Variants in SORCS1 observed in about 807,000 individuals in gnomAD.
SORCS1 encodes sortilin related VPS10 domain containing receptor 1, also known as VPS10 domain-containing receptor SorCS1.
A neutral mutation model predicts 146.1 loss-of-function variants in SORCS1; 60 were observed. The observed-to-expected ratio is 0.41, with a 90% CI of 0.33 to 0.51. The LOEUF is 0.51. Ranked by LOEUF, SORCS1 falls within the 20% of genes least tolerant of loss-of-function variation. The pLI, the probability that SORCS1 is intolerant of heterozygous loss-of-function variation, is 0.21. For missense variants in SORCS1, 1,352 were observed against 1,487.6 expected, an observed-to-expected ratio of 0.91 and a Z score of 1.50; for synonymous variants, 637 against 584.0, an observed-to-expected ratio of 1.09 and a Z score of -1.31.
chr10:106,633,236 C>A (rs1848538327), intron 18 of SORCS1, among the ~76,000 whole-genome samples: 1 of 152,178 alleles, frequency 6.6e-6, no homozygotes, highest in South Asian at 2.1e-4. Context: ...TATTTCAATA[C>A]ATATATATAA....
intron 1 of SORCS1, among the ~76,000 whole-genome samples, chr10:107,052,215 G>A (rs1371544896): frequency 2.0e-5 from 3 of 152,060 alleles, no homozygotes; most frequent in Non-Finnish European, 2.9e-5. Flanking sequence ...GGCTACTTAC[G>A]AGAGACTCAT....
intron 1 of SORCS1, among the ~76,000 whole-genome samples, chr10:107,113,414 C>A (rs538490516): frequency 2.0e-5 from 3 of 152,028 alleles, no homozygotes; most frequent in African/African-American, 7.2e-5. Context: ...AAAGGCCAGG[C>A]GCGGTGCCTT....
chr10:106,775,553 T>C (rs934732243), intron 4 of SORCS1, among the ~76,000 whole-genome samples: 1 of 152,184 alleles, frequency 6.6e-6, no homozygotes, highest in African/African-American at 2.4e-5. Flanking sequence ...AAATGCCACA[T>C]ATCTATGCAA....
intron 18 of SORCS1, among the ~76,000 whole-genome samples, chr10:106,641,264 T>C (rs185428159): frequency 7.2e-5 from 11 of 152,284 alleles, no homozygotes; most frequent in African/African-American, 2.4e-4. Flanking sequence ...TCATCTAGGT[T>C]TTGAGGGTGA....
chr10:107,145,110 T>C (rs1219301479), intron 1 of SORCS1, among the ~76,000 whole-genome samples: 2 of 152,158 alleles, frequency 1.3e-5, no homozygotes, highest in African/African-American at 4.8e-5. Context: ...CTTATGTCCA[T>C]CAGCAAACAA....
chr10:106,792,429 C>T lies in SORCS1; in HGVS notation c.727-15737G>A, dbSNP rs141661157. Reference sequence around the variant, plus strand: ...TTCAAAAGATTTTATACTCACATGACGTTTTTCATTTAAGCATTACACAGC... The same window carrying T: ...TTCAAAAGATTTTATACTCACATGATGTTTTTCATTTAAGCATTACACAGC... On this transcript the variant is annotated intron_variant, in intron 3 of 25. Coordinates refer to ENST00000263054, the MANE Select transcript of SORCS1 (RefSeq NM_052918.5). 2.4e-4 allele frequency among the ~76,000 whole-genome samples: 36 copies of T among 152,278 alleles called. No individual in the cohort carries two copies. The East Asian group carries it at 4.0e-3, about 17-fold the overall frequency.
At chr10:107,031,600 T>C (rs1299662321) in intron 1 of SORCS1, among the ~76,000 whole-genome samples, 1 of 147,432 alleles carries the variant, frequency 6.8e-6, no homozygotes, top group Non-Finnish European at 1.5e-5. Flanking sequence ...TTTGTATCTC[T>C]CTTTTTTTTT....
chr10:106,681,607 G>A (rs1852438429), intron 10 of SORCS1, among the ~76,000 whole-genome samples: 1 of 152,122 alleles, frequency 6.6e-6, no homozygotes, highest in Non-Finnish European at 1.5e-5. Flanking sequence ...ATAATGTTGT[G>A]AGCATCTGTA....
chr10:106,922,100 G>A (rs951154464), intron 2 of SORCS1, among the ~76,000 whole-genome samples: 1 of 152,180 alleles, frequency 6.6e-6, no homozygotes, highest in Non-Finnish European at 1.5e-5. Flanking sequence ...TGAGCAGACA[G>A]GTCTCCTCAG....
In SORCS1 at chr10:107,155,372, G is replaced by C. The variant is rs559820072; in HGVS notation, c.558+8597C>G. On this transcript the variant is annotated intron_variant, in intron 1 of 25. Transcript: ENST00000263054. ...AGTGTTCCCAAGAATCTCCTAGGGA[G>C]TTTGTAAAATATAGATGCCTGGTCC... Among the ~76,000 whole-genome samples the C allele has an allele frequency of 3.9e-5, 6 of 152,294 alleles. No homozygotes were observed. In the South Asian group the frequency reaches 1.2e-3, roughly 32 times the overall value.
chr10:107,020,837 A>G (rs1164757591), intron 1 of SORCS1, among the ~76,000 whole-genome samples: 1 of 152,132 alleles, frequency 6.6e-6, no homozygotes, highest in African/African-American at 2.4e-5. Context: ...TCTAAGCAAA[A>G]TATTTTTTTT....
At chr10:106,709,385 T>G in intron 6 of SORCS1, 44 bp from the exon 7 acceptor site, 71 of 1,144,868 alleles carry the variant, frequency 6.2e-5, no homozygotes, top group Non-Finnish European at 8.6e-5. Context: ...TTGAGGGGGA[T>G]ATACAGACAG....
At chr10:107,085,755 T>C (rs1963707977) in intron 1 of SORCS1, among the ~76,000 whole-genome samples, 1 of 152,210 alleles carries the variant, frequency 6.6e-6, no homozygotes, top group Admixed American at 6.5e-5. Context: ...GGCTGAACAC[T>C]GTAGAATTAT....
rs974118188 is a variant in SORCS1, at chr10:106,769,562, T to G, written c.885+6972A>C. Among the ~76,000 whole-genome samples, 23 of 150,274 alleles carry G rather than the reference T, an allele frequency of 1.5e-4. 1 individual carries two copies. Among genetic ancestry groups the G allele is most frequent in the African/African-American group, 5.7e-4 (23 of 40,414 alleles). ...GAAGATTTTTTGTTTATAGATATGT[T>G]TATAGATATACATGTAGAATAGATA... On this transcript the variant is annotated intron_variant, in intron 4 of 25. Coordinates refer to ENST00000263054, the MANE Select transcript of SORCS1 (RefSeq NM_052918.5).
rs1174023745 is a variant in SORCS1, at chr10:106,575,765, A to G, written c.*1655T>C. 1 of 152,664 alleles carries G rather than the reference A, an allele frequency of 6.6e-6. No individual in the cohort carries two copies. Among genetic ancestry groups the G allele is most frequent in the Admixed American group, 6.5e-5 (1 of 15,284 alleles). 9.5% of individuals were successfully genotyped at this position (152,664 alleles called of 1,614,324 possible). A position where few individuals can be genotyped will look rare whatever the true frequency, so the allele number is the denominator to read the frequency against. On this transcript the variant is annotated 3_prime_UTR_variant, in exon 26 of 26. Coordinates refer to ENST00000263054, the MANE Select transcript of SORCS1 (RefSeq NM_052918.5). ...AATCAAACTCTCACCCTAATGTAAG[A>G]CAAGACCCCCATTTATTCTCTCAGA...
At chr10:106,823,498 T>G (rs1223310064) in intron 3 of SORCS1, among the ~76,000 whole-genome samples, 1 of 152,046 alleles carries the variant, frequency 6.6e-6, no homozygotes, top group African/African-American at 2.4e-5. Flanking sequence ...AGCCTAGGAG[T>G]CCAAAAGCGA....
intron 7 of SORCS1, among the ~76,000 whole-genome samples, chr10:106,708,249 TG>T (rs1159365409): frequency 2.1e-5 from 3 of 145,132 alleles, no homozygotes; most frequent in African/African-American, 8.5e-5. Flanking sequence ...AGAAATGGTG[TG>T]TGTGTGTGTG....
At chr10:106,746,324 T>C (rs1207785490) in intron 5 of SORCS1, among the ~76,000 whole-genome samples, 2 of 152,214 alleles carry the variant, frequency 1.3e-5, no homozygotes, top group Non-Finnish European at 2.9e-5. Context: ...CTCTCTGTAT[T>C]ATCTTTGTAA....
At chr10:106,598,609 A>C (rs1846052646) in intron 23 of SORCS1, among the ~76,000 whole-genome samples, 1 of 152,102 alleles carries the variant, frequency 6.6e-6, no homozygotes. Flanking sequence ...TAATATTCTA[A>C]TAATCACTTA....
Sources: gnomAD v4.1 joint callset for allele counts (sites outside exome capture counted in the v4.1 genomes callset) on GRCh38, gnomAD v4.1.1 for gene constraint, MANE v1.5 for transcripts, NCBI Gene and HGNC (gene_info 2026-07-23, HGNC 2026-07-21) for gene names.